Variants in PADI1 observed in about 807,000 individuals in gnomAD.
The protein encoded by PADI1 is protein-arginine deiminase type-1.
PADI1 carries 65 observed loss-of-function variants against 74.8 expected under a neutral mutation model. The ratio of observed to expected loss-of-function variants is 0.87; its 90% confidence interval spans 0.71 to 1.07. The LOEUF is 1.07. Among genes scored for constraint, PADI1 ranks in the 50% least tolerant of loss-of-function variants. The pLI, the probability that PADI1 is intolerant of heterozygous loss-of-function variation, is 0.00. For missense variants in PADI1, 943 were observed against 854.0 expected (o/e 1.10, Z -1.30); for synonymous variants, 371 against 336.2 (o/e 1.10, Z -1.13).
At chr1:17,240,498 C>T in intron 14 of PADI1, 137 bp from the exon 15 acceptor site, 2 of 915,570 alleles carry the variant, frequency 2.2e-6, no homozygotes, top group South Asian at 3.6e-5. Context: ...GCAATGGTTT[C>T]TATTGCACAA....
chr1:17,230,711 T>C (rs1056548879), intron 10 of PADI1, 32 bp downstream of exon 10: 5 of 1,326,950 alleles, frequency 3.8e-6, no homozygotes, highest in Admixed American at 3.6e-5. Flanking sequence ...GCAGAAACCC[T>C]GGTTGGGTCC....
chr1:17,243,248 G>A (rs936726620), intron 15 of PADI1, among the ~76,000 whole-genome samples: 1 of 152,180 alleles, frequency 6.6e-6, no homozygotes, highest in Non-Finnish European at 1.5e-5. Context: ...CCCCAGATTA[G>A]GGCCCCAAGC....
At chr1:17,220,123 A>G (rs550122742) in intron 1 of PADI1, among the ~76,000 whole-genome samples, 1 of 150,462 alleles carries the variant, frequency 6.6e-6, no homozygotes, top group East Asian at 2.0e-4. Context: ...TAAGGCCAGG[A>G]GTGGGGGATG....
In PADI1 at chr1:17,244,131, G is replaced by A. The variant is rs1421046093; in HGVS notation, c.1880G>A (p.Cys627Tyr). ...QSLLEPLGLH[C>Y]IFIDDYLSYH... is the part of the protein sequence containing the mutation. ...CTGCTGGAGCCTCTGGGCCTGCACT[G>A]CATCTTCATTGATGACTACTTGTCC... The change falls in exon 16 of 16, where the codon TGC (cysteine) becomes TAC (tyrosine). Residue 627 changes from cysteine (C) to tyrosine (Y), a missense_variant. By Grantham distance (194) the Cys-to-Tyr change is radical (BLOSUM62 -2). Transcript: ENST00000375471. 4 of 1,614,046 alleles carry A rather than the reference G, an allele frequency of 2.5e-6. No individual in the cohort carries two copies. The highest frequency in any genetic ancestry group is 1.1e-5 in the South Asian group (1 of 91,088).
Position 17,232,878 on chromosome 1 carries a change from C to T in PADI1, c.1221C>T (p.Asp407=). The T allele has an allele frequency of 1.9e-6, 3 of 1,613,722 alleles. No individual in the cohort carries two copies. The South Asian group carries it at 3.3e-5, about 18-fold the overall frequency. ...EIPLPGPSSL[D]SFGNLDVSPP... ...CGCTCCCTGGTCCCTCCAGCCTTGA[C>T]TCCTTCGGCAACCTGGACGTCAGCC... Residue 407 remains aspartate (D), a synonymous_variant, in exon 11 of 16, where the codon GAC becomes GAT. Coordinates refer to ENST00000375471, the MANE Select transcript of PADI1 (RefSeq NM_013358.3).
chr1:17,230,521 G>C, intron 9 of PADI1, 51 bp from the exon 10 acceptor site: 1 of 1,348,518 alleles, frequency 7.4e-7, no homozygotes, highest in South Asian at 1.3e-5. Context: ...ACCCTGTTCT[G>C]TAAACCACCC....
chr1:17,215,741 C>T (rs1027617317), intron 1 of PADI1, among the ~76,000 whole-genome samples: 3 of 152,156 alleles, frequency 2.0e-5, no homozygotes, highest in South Asian at 2.1e-4. Flanking sequence ...GTCCAGAACG[C>T]GTTGATTGTG....
rs374679585 is a variant in PADI1 at position 17,230,250 on chromosome 1, G to C, written c.1053+42G>C. The C allele has an allele frequency of 1.4e-5, 22 of 1,596,602 alleles. No homozygotes were observed. The African/African-American group carries it at 2.0e-4, about 15-fold the overall frequency. ...GCTCGGGAAGCCTGCAGCCTGGCTTGGGGAAAGGGAAGCCGCACAGGTGCC... is the reference window on the plus strand; with the variant it reads ...GCTCGGGAAGCCTGCAGCCTGGCTTCGGGAAAGGGAAGCCGCACAGGTGCC... On this transcript the variant is annotated intron_variant, in intron 9 of 15. Coordinates refer to ENST00000375471, the MANE Select transcript of PADI1 (RefSeq NM_013358.3).
intron 7 of PADI1, 63 bp from the exon 8 acceptor site, chr1:17,228,884 TG>T (rs966644256): frequency 5.7e-5 from 86 of 1,520,354 alleles, no homozygotes; most frequent in African/African-American, 3.2e-4. Flanking sequence ...GGCTGGGGGC[TG>T]GGGGGGCTTG....
In PADI1 at chr1:17,240,779, G is replaced by A. The variant is rs755568492; in HGVS notation, c.1758+19G>A. 1 of 1,611,438 alleles carries A rather than the reference G, an allele frequency of 6.2e-7. No homozygotes were observed. The highest frequency in any genetic ancestry group is 8.5e-7 in the Non-Finnish European group (1 of 1,178,386). On this transcript the variant is annotated intron_variant, in intron 15 of 15. Coordinates refer to ENST00000375471, the MANE Select transcript of PADI1 (RefSeq NM_013358.3). Reference sequence around the variant, plus strand: ...AGACATGGTGAGAGCCCTTGTGCAGGGTCCTGCTGGGGGGTCTGCGGGGCT... The same window carrying A: ...AGACATGGTGAGAGCCCTTGTGCAGAGTCCTGCTGGGGGGTCTGCGGGGCT...
At chr1:17,215,340 C>A (rs150926158) in intron 1 of PADI1, among the ~76,000 whole-genome samples, 200 of 152,124 alleles carry the variant, frequency 1.3e-3, no homozygotes, top group African/African-American at 4.7e-3. Flanking sequence ...GTCTTGATAG[C>A]CCCAGAGAAA....
intron 1 of PADI1, among the ~76,000 whole-genome samples, chr1:17,216,487 C>T (rs191796210): frequency 5.9e-5 from 9 of 152,072 alleles, no homozygotes; most frequent in South Asian, 4.2e-4. Context: ...GACAGACTTG[C>T]GGTGGGTTGG....
intron 1 of PADI1, among the ~76,000 whole-genome samples, chr1:17,216,843 C>T (rs2071991006): frequency 6.6e-6 from 1 of 151,980 alleles, no homozygotes; most frequent in Admixed American, 6.6e-5. Context: ...GCACTCCAGC[C>T]TGGGTGACAG....
chr1:17,210,856 T>G, intron 1 of PADI1, among the ~76,000 whole-genome samples: 1 of 152,178 alleles, frequency 6.6e-6, no homozygotes, highest in East Asian at 1.9e-4. Flanking sequence ...TCCTACTGTC[T>G]GGTGCCCACA....
chr1:17,221,471 G>C (rs11203333), intron 1 of PADI1, among the ~76,000 whole-genome samples: 1 of 97,462 alleles, frequency 1.0e-5, no homozygotes, highest in Non-Finnish European at 2.2e-5. Context: ...TCTGTCTCAA[G>C]AAAAAAAAAA....
At chr1:17,240,436 C>G in intron 14 of PADI1, 199 bp from the exon 15 acceptor site, 1 of 549,118 alleles carries the variant, frequency 1.8e-6, no homozygotes. Context: ...TTTGGCACAT[C>G]CTAGCCTTGT....
chr1:17,224,260 A>G (rs532023208), intron 3 of PADI1, 107 bp from the exon 4 acceptor site: 11 of 894,090 alleles, frequency 1.2e-5, no homozygotes, highest in Non-Finnish European at 1.8e-5. Flanking sequence ...CAGGGCTTCC[A>G]GTCCTCACGG....
intron 1 of PADI1, among the ~76,000 whole-genome samples, 195 bp downstream of exon 1, chr1:17,205,504 C>A (rs563588402): frequency 6.6e-6 from 1 of 152,268 alleles, no homozygotes; most frequent in Non-Finnish European, 1.5e-5. Context: ...GCCCCAGCTC[C>A]TGGGCACTGG....
chr1:17,225,800 T>C lies in PADI1; in HGVS notation c.409-11T>C, dbSNP rs1452767335. ...GTCCCACTGATCCCAAGGCATCTTA[T>C]TTTGCCACAGAAAACCTGGCGCTGG... is the stretch of plus-strand genomic sequence containing the variant. On this transcript the variant is annotated splice_polypyrimidine_tract_variant and intron_variant, in intron 4 of 15. Coordinates refer to ENST00000375471, the MANE Select transcript of PADI1 (RefSeq NM_013358.3). 1 of 1,609,872 alleles carries C rather than the reference T, an allele frequency of 6.2e-7. No homozygotes were observed. Among genetic ancestry groups the C allele is most frequent in the Admixed American group, 1.7e-5 (1 of 59,994 alleles).
Sources: allele counts gnomAD v4.1 joint callset (sites outside exome capture counted in the v4.1 genomes callset), GRCh38; gene constraint gnomAD v4.1.1; transcripts MANE v1.5; gene names NCBI Gene and HGNC (gene_info 2026-07-23, HGNC 2026-07-21).